EMSY: variants seen among roughly 807,000 people sequenced by gnomAD.
EMSY encodes the protein EMSY transcriptional repressor, BRCA2 interacting.
Under a neutral mutation model 134.6 loss-of-function variants are expected in EMSY, and 26 were observed. The observed-to-expected ratio is 0.19, with a 90% CI of 0.14 to 0.27. EMSY has a LOEUF of 0.27. Among genes scored for constraint, EMSY ranks in the 10% least tolerant of loss-of-function variants. The pLI is 1.00. For missense variants in EMSY, 1,305 were observed against 1,611.4 expected (o/e 0.81, Z 3.26); for synonymous variants, 579 against 577.8 (o/e 1.00, Z -0.03).
chr11:76,528,584 C>A, intron 14 of EMSY, 118 bp downstream of exon 15: 5 of 523,210 alleles, frequency 9.6e-6, no homozygotes, highest in Non-Finnish European at 1.5e-5. Flanking sequence ...CAATTCTTTT[C>A]CTTTTTTTTT....
At chr11:76,541,721 C>T (rs1035205620) in intron 17 of EMSY, among the ~76,000 whole-genome samples, 1 of 152,152 alleles carries the variant, frequency 6.6e-6, no homozygotes, top group Non-Finnish European at 1.5e-5. Context: ...TCACTTAATA[C>T]AAAGGAGTGA....
intron 7 of EMSY, among the ~76,000 whole-genome samples, chr11:76,470,473 T>C (rs1948527078): frequency 6.6e-6 from 1 of 152,194 alleles, no homozygotes; most frequent in Admixed American, 6.5e-5. Flanking sequence ...CTATTCTTGA[T>C]TCCGTTCTTT....
chr11:76,454,677 AG>A lies in EMSY; in HGVS notation c.245+1290del, dbSNP rs1395054732. ...AGGTATTGTGGGGCAACTAGTTGTA[AG>A]TTGATGCATCAGTTTCATACTTAAA... is the stretch of plus-strand genomic sequence containing the variant. On this transcript the variant is annotated intron_variant, in intron 4 of 20. Coordinates refer to ENST00000334736, the Ensembl canonical transcript of EMSY. 3.0e-6 allele frequency: 3 copies of A among 1,004,436 alleles called. No individual in the cohort carries two copies. In the East Asian group the frequency reaches 8.1e-5, roughly 27 times the overall value. 62.2% of individuals were successfully genotyped at this position (1,004,436 alleles called of 1,614,324 possible). A position where few individuals can be genotyped will look rare whatever the true frequency, so the allele number is the denominator to read the frequency against.
rs774940358 is a variant in EMSY, at chr11:76,542,140, A to G, written c.2558-76A>G. ...CTTTCTGTGATACAAGCTCACAGAC[A>G]TTTGTTTAAAATGACTACTGGTTAC... On this transcript the variant is annotated intron_variant, in intron 17 of 20. Transcript: ENST00000334736. The G allele has an allele frequency of 3.9e-6, 6 of 1,555,024 alleles. 1 individual carries two copies. The highest frequency in any genetic ancestry group is 1.1e-5 in the South Asian group (1 of 89,896).
chr11:76,546,301 A>G lies in EMSY; in HGVS notation c.3774+4A>G. 3 of 1,599,996 alleles carry G rather than the reference A, an allele frequency of 1.9e-6. No homozygotes were observed. The highest frequency in any genetic ancestry group is 1.7e-6 in the Non-Finnish European group (2 of 1,173,546). ...TCCAGCAGAAATTATCATCCAGGTA[A>G]GAATTGGAAGGAAAATGAGAAATCT... On this transcript the variant is annotated splice_donor_region_variant and intron_variant, in intron 20 of 20. Transcript: ENST00000334736.
At chr11:76,512,735 A>C (rs887867088) in intron 9 of EMSY, among the ~76,000 whole-genome samples, 3 of 151,632 alleles carry the variant, frequency 2.0e-5, no homozygotes, top group Non-Finnish European at 2.9e-5. Flanking sequence ...AAAAAAAAAA[A>C]ACCATAAATC....
chr11:76,455,754 T>A (rs1346091544), intron 4 of EMSY, among the ~76,000 whole-genome samples: 9 of 152,230 alleles, frequency 5.9e-5, no homozygotes, highest in Non-Finnish European at 1.2e-4. Context: ...AGTAGTTTGA[T>A]ACTCTTAATT....
chr11:76,506,259 T>G (rs1027957400), intron 9 of EMSY, among the ~76,000 whole-genome samples: 1 of 152,124 alleles, frequency 6.6e-6, no homozygotes, highest in African/African-American at 2.4e-5. Flanking sequence ...AATTACAGAC[T>G]GAAATCACAT....
chr11:76,446,319 G>GTGTATATATATGTATATATATA (rs1176761237), intron 1 of EMSY, among the ~76,000 whole-genome samples: 12 of 114,344 alleles, frequency 1.0e-4, no homozygotes, highest in African/African-American at 3.8e-4. Context: ...ATATGTGTGT[G>GTGTATATATATGTATATATATA]TGTGTATATA....
intron 7 of EMSY, among the ~76,000 whole-genome samples, chr11:76,465,406 A>G (rs1475021084): frequency 2.0e-5 from 3 of 152,192 alleles, no homozygotes; most frequent in Non-Finnish European, 4.4e-5. Flanking sequence ...AAAACAATGT[A>G]TTTATTTTAT....
At chr11:76,447,065 C>A in intron 2 of EMSY, 57 bp downstream of exon 2, 1 of 1,540,512 alleles carries the variant, frequency 6.5e-7, no homozygotes, top group Non-Finnish European at 9.0e-7. Context: ...TCCCTTTCTG[C>A]CTAGGTCATA....
exon 9 of EMSY, chr11:76,496,215 G>A: frequency 6.2e-7 from 1 of 1,612,264 alleles, no homozygotes; most frequent in Non-Finnish European, 8.5e-7. Context: ...TTTTCTACAG[G>A]TGTATCTACA....
intron 5 of EMSY, 173 bp downstream of exon 6, chr11:76,458,531 A>G (rs1947969375): frequency 1.6e-6 from 1 of 620,132 alleles, no homozygotes; most frequent in East Asian, 3.4e-5. Flanking sequence ...AGCCTTAGAC[A>G]AAATTTAGTC....
At chr11:76,499,158 T>TA (rs1949759561) in intron 9 of EMSY, among the ~76,000 whole-genome samples, 1 of 151,950 alleles carries the variant, frequency 6.6e-6, no homozygotes, top group Non-Finnish European at 1.5e-5. Flanking sequence ...GACAGGGTTT[T>TA]ACCATGCTGG....
Position 76,486,904 on chromosome 11 carries a change from G to A in EMSY, c.1109-9311G>A, listed in dbSNP as rs866983323. The stretch of plus-strand genomic sequence containing the variant: ...ATGATCTTACTGAAGGACTAGAGCA[G>A]TGTTCATTTATAACAGAATAACAAA... On this transcript the variant is annotated intron_variant, in intron 8 of 20. Coordinates refer to ENST00000334736, the Ensembl canonical transcript of EMSY. Among the ~76,000 whole-genome samples the A allele has an allele frequency of 3.3e-5, 5 of 152,238 alleles. No homozygotes were observed. In the South Asian group the frequency reaches 8.3e-4, roughly 25 times the overall value.
chr11:76,497,272 C>A (rs1289729994), intron 9 of EMSY: 1 of 152,222 alleles, frequency 6.6e-6, no homozygotes, highest in South Asian at 2.1e-4. Context: ...TTGCTGGATT[C>A]AATTTGTCTC....
At chr11:76,483,549 T>G (rs576058357) in intron 8 of EMSY, among the ~76,000 whole-genome samples, 5 of 152,054 alleles carry the variant, frequency 3.3e-5, no homozygotes, top group South Asian at 4.2e-4. Flanking sequence ...AATAAAGGGA[T>G]GGAGGAATAT....
Position 76,501,308 on chromosome 11 carries a change from A to G in EMSY, c.1363+4839A>G, listed in dbSNP as rs569750868. On this transcript the variant is annotated intron_variant, in intron 9 of 20. Transcript: ENST00000334736. ...AGAAACAGGAAAATATTACCCATAC[A>G]TTAGAAAAACAAACAAACAACAGAA... 6.6e-5 allele frequency among the ~76,000 whole-genome samples: 10 copies of G among 152,342 alleles called. No homozygotes were observed. In the South Asian group the frequency reaches 2.1e-3, roughly 32 times the overall value.
At position 76,518,858 on chromosome 11, in the gene EMSY, T is replaced by TTGTGTGTG. The variant is rs10691630; in HGVS notation, c.1684+2564_1684+2571dup. Among the ~76,000 whole-genome samples the TTGTGTGTG allele has an allele frequency of 1.1e-3, 157 of 143,140 alleles. 1 individual carries two copies. Among genetic ancestry groups the TTGTGTGTG allele is most frequent in the East Asian group, 5.7e-3 (28 of 4,950 alleles). The allele number at this position is 143,140 out of a possible 152,430, so 93.9% of individuals were successfully genotyped here. A position where few individuals can be genotyped will look rare whatever the true frequency, so the allele number is the denominator to read the frequency against. On this transcript the variant is annotated intron_variant, in intron 11 of 20. Transcript: ENST00000334736. ...AGTTTTAGGTTACTTATAGGCTGTCTTGTGTGTGTGTGTGTGTGTGTGTGT... is the reference window on the plus strand; with the variant it reads ...AGTTTTAGGTTACTTATAGGCTGTCTTGTGTGTGTGTGTGTGTGTGTGTGTGTGTGTGT...
Sources: allele counts gnomAD v4.1 joint callset (sites outside exome capture counted in the v4.1 genomes callset), GRCh38; gene constraint gnomAD v4.1.1; transcripts MANE v1.5; gene names NCBI Gene and HGNC (gene_info 2026-07-23, HGNC 2026-07-21).